Variants in LRMDA observed in about 807,000 individuals in gnomAD.
LRMDA encodes the protein leucine-rich melanocyte differentiation-associated protein.
LRMDA carries 18 observed loss-of-function variants against 29.8 expected under a neutral mutation model. The observed-to-expected ratio is 0.60, with a 90% CI of 0.42 to 0.90. The LOEUF (loss-of-function observed/expected upper bound fraction) is 0.90, where lower values mean the gene tolerates loss of function less well. LRMDA is among the 40% of genes least tolerant of loss of function. LRMDA has a pLI of 0.00. For missense variants in LRMDA, 273 were observed against 273.9 expected, an observed-to-expected ratio of 1.00 and a Z score of 0.02; for synonymous variants, 125 against 109.4, an observed-to-expected ratio of 1.14 and a Z score of -0.89.
At chr10:75,884,245 TTGTGTGTGTGTGTGTGTGTGTGTG>T (rs57507869) in intron 2 of LRMDA, among the ~76,000 whole-genome samples, 4 of 109,506 alleles carry the variant, frequency 3.7e-5, no homozygotes, top group Non-Finnish European at 5.6e-5. Flanking sequence ...GCAGGCGACT[TTGTGTGTGTGTGTGTGTGTGTGTG>T]TGTGTGTGTG....
intron 5 of LRMDA, among the ~76,000 whole-genome samples, chr10:76,070,489 T>C (rs1300899756): frequency 6.6e-6 from 1 of 152,172 alleles, no homozygotes; most frequent in East Asian, 1.9e-4. Flanking sequence ...GAGAAGGAGA[T>C]CTCTCCGTCT....
intron 5 of LRMDA, among the ~76,000 whole-genome samples, chr10:76,210,119 G>A (rs1851609709): frequency 6.6e-6 from 1 of 152,084 alleles, no homozygotes; most frequent in African/African-American, 2.4e-5. Flanking sequence ...ACATAATTTG[G>A]GTGACAGCTG....
At chr10:76,503,555 G>A (rs1198697157) in intron 6 of LRMDA, among the ~76,000 whole-genome samples, 1 of 151,516 alleles carries the variant, frequency 6.6e-6, no homozygotes, top group African/African-American at 2.4e-5. Flanking sequence ...ATCAATCTTG[G>A]GAGATTGTAT....
intron 2 of LRMDA, among the ~76,000 whole-genome samples, chr10:75,524,683 A>G (rs1330485906): frequency 6.6e-6 from 1 of 152,216 alleles, no homozygotes; most frequent in African/African-American, 2.4e-5. Context: ...GACATTTTGG[A>G]AATCTTATTC....
At chr10:75,551,447 C>T (rs1483822498) in intron 2 of LRMDA, among the ~76,000 whole-genome samples, 2 of 152,048 alleles carry the variant, frequency 1.3e-5, no homozygotes, top group African/African-American at 2.4e-5. Flanking sequence ...AACCCATCAT[C>T]TACATTATGT....
intron 2 of LRMDA, among the ~76,000 whole-genome samples, chr10:75,893,668 G>A (rs1255532052): frequency 1.3e-5 from 2 of 152,164 alleles, no homozygotes; most frequent in Admixed American, 6.5e-5. Flanking sequence ...GGGCATAGTG[G>A]CTCACACCTG....
chr10:76,283,948 G>GCAC (rs1840238665), intron 5 of LRMDA, among the ~76,000 whole-genome samples: 1 of 152,160 alleles, frequency 6.6e-6, no homozygotes, highest in African/African-American at 2.4e-5. Context: ...CTACAGGCAT[G>GCAC]CACCACCACC....
chr10:75,829,147 G>T (rs1418084538), intron 2 of LRMDA, among the ~76,000 whole-genome samples: 1 of 152,190 alleles, frequency 6.6e-6, no homozygotes, highest in Non-Finnish European at 1.5e-5. Context: ...GGCTCTAGAT[G>T]GTGTGCTGAG....
At chr10:75,891,889 T>A (rs1473581673) in intron 2 of LRMDA, among the ~76,000 whole-genome samples, 7 of 152,148 alleles carry the variant, frequency 4.6e-5, no homozygotes, top group African/African-American at 1.7e-4. Flanking sequence ...CTGGAGATGC[T>A]TATCAGCCAT....
rs528418873 is a variant in LRMDA at position 76,211,236 on chromosome 10, G to C, written c.517-113165G>C. ...GCCTGGTACCCAGTTGCCTCCTCTG[G>C]AAAGACTTCCTGGACTGCACTTGTC... On this transcript the variant is annotated intron_variant, in intron 5 of 6. Transcript: ENST00000611255. Among the ~76,000 whole-genome samples, 16 of 152,266 alleles carry C rather than the reference G, an allele frequency of 1.1e-4. 1 individual carries two copies. Among genetic ancestry groups the C allele is most frequent in the South Asian group, 6.2e-4 (3 of 4,822 alleles).
chr10:76,113,671 C>G (rs1849617100), intron 5 of LRMDA, among the ~76,000 whole-genome samples: 1 of 152,090 alleles, frequency 6.6e-6, no homozygotes, highest in South Asian at 2.1e-4. Flanking sequence ...AGGTAAAAGC[C>G]ACACAAGGCA....
At chr10:75,702,472 T>A (rs1428938827) in intron 2 of LRMDA, among the ~76,000 whole-genome samples, 1 of 152,174 alleles carries the variant, frequency 6.6e-6, no homozygotes, top group East Asian at 1.9e-4. Flanking sequence ...AAGACCTAGA[T>A]GCGGGTATTG....
rs578024671 is a variant in LRMDA at position 76,307,278 on chromosome 10, G to T, written c.517-17123G>T. Among the ~76,000 whole-genome samples, 292 of 152,246 alleles carry T rather than the reference G, an allele frequency of 1.9e-3. 2 individuals carry two copies. Among genetic ancestry groups the T allele is most frequent in the African/African-American group, 6.3e-3 (262 of 41,538 alleles). On this transcript the variant is annotated intron_variant, in intron 5 of 6. Coordinates refer to ENST00000611255, the MANE Select transcript of LRMDA (RefSeq NM_001305581.2). Reference sequence around the variant, plus strand: ...CTTTATGATATCTGCAAGACCTCGTGGGGAGGGTTTTCTGGAGGTGGAGGC... The same window carrying T: ...CTTTATGATATCTGCAAGACCTCGTTGGGAGGGTTTTCTGGAGGTGGAGGC...
chr10:76,410,476 G>A (rs1364865267), intron 6 of LRMDA, among the ~76,000 whole-genome samples: 2 of 151,426 alleles, frequency 1.3e-5, no homozygotes, highest in Non-Finnish European at 2.9e-5. Context: ...GCCTGGCTAG[G>A]TTTCAAATTT....
intron 5 of LRMDA, among the ~76,000 whole-genome samples, chr10:76,195,577 T>C (rs1380483845): frequency 6.6e-6 from 1 of 152,194 alleles, no homozygotes; most frequent in Non-Finnish European, 1.5e-5. Context: ...TCCTTAGCCC[T>C]GTTCTCAGTA....
intron 2 of LRMDA, among the ~76,000 whole-genome samples, chr10:75,528,018 T>C (rs1435287796): frequency 6.6e-6 from 1 of 151,972 alleles, no homozygotes; most frequent in African/African-American, 2.4e-5. Context: ...ACTCCTGAGC[T>C]CAAGCAATCT....
intron 2 of LRMDA, among the ~76,000 whole-genome samples, chr10:75,953,733 T>C (rs1052857040): frequency 2.0e-5 from 3 of 152,144 alleles, no homozygotes; most frequent in Non-Finnish European, 4.4e-5. Context: ...ATTGGAAAGC[T>C]ACTCAGGTCA....
chr10:76,228,433 A>G (rs1251213155), intron 5 of LRMDA, among the ~76,000 whole-genome samples: 1 of 152,168 alleles, frequency 6.6e-6, no homozygotes, highest in Non-Finnish European at 1.5e-5. Context: ...CAGGCATGCC[A>G]TGTGGGAGAT....
intron 2 of LRMDA, among the ~76,000 whole-genome samples, chr10:75,963,049 A>G (rs1229674112): frequency 1.3e-5 from 2 of 152,192 alleles, no homozygotes; most frequent in Non-Finnish European, 2.9e-5. Context: ...ATATCTATTT[A>G]CTTATTTAGG....
Sources: allele counts gnomAD v4.1 joint callset (sites outside exome capture counted in the v4.1 genomes callset), GRCh38; gene constraint gnomAD v4.1.1; transcripts MANE v1.5; gene names NCBI Gene and HGNC (gene_info 2026-07-23, HGNC 2026-07-21).